Variants in RETREG1 observed in about 807,000 individuals in gnomAD.
RETREG1 encodes family with sequence similarity 134 member B.
In RETREG1, 44 loss-of-function variants were observed where a neutral mutation model predicts 54.8. The observed-to-expected ratio is 0.80, with a 90% confidence interval of 0.63 to 1.03. RETREG1 has a LOEUF of 1.03. Among genes scored for constraint, RETREG1 ranks in the 50% least tolerant of loss-of-function variants. The pLI, the probability that RETREG1 is intolerant of heterozygous loss-of-function variation, is 0.00. For missense variants in RETREG1, 554 were observed against 605.1 expected, an observed-to-expected ratio of 0.92 and a Z score of 0.89; for synonymous variants, 217 against 238.5, an observed-to-expected ratio of 0.91 and a Z score of 0.83.
At chr5:16,566,210 G>A (rs75977391) in intron 2 of RETREG1, among the ~76,000 whole-genome samples, 1,576 of 152,256 alleles carry the variant, frequency 0.01, 30 homozygotes, top group African/African-American at 0.035. Context: ...CTCAAAAAGC[G>A]CCAATAATAG....
At chr5:16,569,287 C>CTTTT (rs59365372) in intron 2 of RETREG1, among the ~76,000 whole-genome samples, 44 of 140,800 alleles carry the variant, frequency 3.1e-4, no homozygotes, top group African/African-American at 1.1e-3. Context: ...CCATTTCTTT[C>CTTTT]TTTTTTTTTT....
chr5:16,483,300 A>G, intron 4 of RETREG1, 46 bp downstream of exon 4: 1 of 1,608,492 alleles, frequency 6.2e-7, no homozygotes, highest in South Asian at 1.1e-5. Context: ...ATTTGTTTCC[A>G]AGTAACTGAA....
At chr5:16,599,269 A>G (rs1438085378) in intron 1 of RETREG1, among the ~76,000 whole-genome samples, 2 of 152,210 alleles carry the variant, frequency 1.3e-5, no homozygotes, top group South Asian at 4.1e-4. Context: ...ATGAAATGCC[A>G]TTCTCATGCT....
intron 3 of RETREG1, among the ~76,000 whole-genome samples, chr5:16,497,126 G>A (rs1343523278): frequency 2.0e-5 from 3 of 152,148 alleles, no homozygotes; most frequent in Admixed American, 2.0e-4. Context: ...CACACCAAGT[G>A]CTAGGCATGA....
At chr5:16,481,638 T>G (rs2126517916) in intron 4 of RETREG1, among the ~76,000 whole-genome samples, 1 of 152,162 alleles carries the variant, frequency 6.6e-6, no homozygotes, top group Admixed American at 6.5e-5. Flanking sequence ...TGGCCATCAC[T>G]ATCCTCTTTC....
chr5:16,527,372 A>G (rs555402632), intron 3 of RETREG1, among the ~76,000 whole-genome samples: 46 of 152,296 alleles, frequency 3.0e-4, no homozygotes, highest in African/African-American at 1.0e-3. Flanking sequence ...ACACAAGGCA[A>G]AGTTTTCCTT....
chr5:16,535,499 T>C (rs1741037466), intron 3 of RETREG1, among the ~76,000 whole-genome samples: 1 of 152,062 alleles, frequency 6.6e-6, no homozygotes, highest in African/African-American at 2.4e-5. Context: ...GCACGCTGCC[T>C]TCACAGAGTG....
intron 1 of RETREG1, among the ~76,000 whole-genome samples, chr5:16,581,540 C>T (rs905663511): frequency 2.7e-5 from 4 of 149,354 alleles, no homozygotes; most frequent in Middle Eastern, 3.4e-3. Context: ...CACACACACA[C>T]ACACACACAC....
At chr5:16,584,545 C>T (rs965698924) in intron 1 of RETREG1, among the ~76,000 whole-genome samples, 1 of 152,054 alleles carries the variant, frequency 6.6e-6, no homozygotes, top group Non-Finnish European at 1.5e-5. Flanking sequence ...TAATGATTTA[C>T]CAAACATTAT....
At chr5:16,577,303 T>TC (rs1181836322) in intron 1 of RETREG1, among the ~76,000 whole-genome samples, 9 of 143,426 alleles carry the variant, frequency 6.3e-5, no homozygotes, top group Admixed American at 2.8e-4. Context: ...TTTTTTTTTT[T>TC]CCCTCTAAAA....
At chr5:16,475,515 C>G (rs1738500582) in intron 8 of RETREG1, among the ~76,000 whole-genome samples, 1 of 152,136 alleles carries the variant, frequency 6.6e-6, no homozygotes, top group Non-Finnish European at 1.5e-5. Flanking sequence ...TCACCTTTGT[C>G]TGATATTAGC....
intron 3 of RETREG1, among the ~76,000 whole-genome samples, chr5:16,509,964 A>G (rs149148598): frequency 0.03 from 4,557 of 152,322 alleles, 250 homozygotes; most frequent in African/African-American, 0.1. Flanking sequence ...ACTGCACTCC[A>G]GCCTGGGTGA....
chr5:16,537,239 A>G (rs557803064), intron 3 of RETREG1, among the ~76,000 whole-genome samples: 1 of 152,284 alleles, frequency 6.6e-6, no homozygotes, highest in East Asian at 1.9e-4. Flanking sequence ...AAAAGTGGAG[A>G]AATGAGGCTT....
intron 1 of RETREG1, among the ~76,000 whole-genome samples, chr5:16,591,916 G>T (rs938703987): frequency 2.0e-5 from 3 of 152,212 alleles, no homozygotes; most frequent in African/African-American, 7.2e-5. Context: ...GTGCCACAGC[G>T]TCTGTGTTTG....
At chr5:16,598,832 G>A (rs188837197) in intron 1 of RETREG1, among the ~76,000 whole-genome samples, 63 of 152,208 alleles carry the variant, frequency 4.1e-4, no homozygotes, top group South Asian at 1.7e-3. Flanking sequence ...AGACACCTAC[G>A]ATTTAGAGTT....
At chr5:16,615,261 G>C (rs1304815522) in intron 1 of RETREG1, among the ~76,000 whole-genome samples, 1 of 151,732 alleles carries the variant, frequency 6.6e-6, no homozygotes, top group Non-Finnish European at 1.5e-5. Context: ...CTGGCCAGGC[G>C]TGGTGGCGGG....
intron 3 of RETREG1, among the ~76,000 whole-genome samples, chr5:16,515,009 G>A (rs1011619964): frequency 1.3e-5 from 2 of 149,622 alleles, no homozygotes; most frequent in African/African-American, 4.9e-5. Flanking sequence ...ATTGATTGAT[G>A]GGCATTTGGG....
intron 3 of RETREG1, among the ~76,000 whole-genome samples, chr5:16,492,741 T>C (rs991788604): frequency 1.3e-5 from 2 of 152,182 alleles, no homozygotes; most frequent in East Asian, 3.8e-4. Flanking sequence ...TGGATACTTA[T>C]TATGTTCCTC....
At chr5:16,571,503 A>T (rs1372196458) in intron 2 of RETREG1, among the ~76,000 whole-genome samples, 1 of 148,684 alleles carries the variant, frequency 6.7e-6, no homozygotes, top group African/African-American at 2.5e-5. Flanking sequence ...CCTCAGGCCA[A>T]TTTTTTTTTT....
Sources: gnomAD v4.1 joint callset for allele counts (sites outside exome capture counted in the v4.1 genomes callset) on GRCh38, gnomAD v4.1.1 for gene constraint, MANE v1.5 for transcripts, NCBI Gene and HGNC (gene_info 2026-07-23, HGNC 2026-07-21) for gene names.